Variants in BACC1 observed in about 807,000 individuals in gnomAD.
BACC1 encodes the protein BPTF-associated chromatin complex component 1.
chr17:7,017,286 A>G, the BACC1 span: 14 of 1,613,282 alleles, frequency 8.7e-6, no homozygotes, highest in Non-Finnish European at 1.2e-5. Flanking sequence ...TGGCCTTCTC[A>G]TGACCTCTGC....
the BACC1 span, chr17:7,015,842 A>G: frequency 7.4e-6 from 12 of 1,614,138 alleles, no homozygotes; most frequent in South Asian, 1.1e-4. Flanking sequence ...GACGATCTTA[A>G]TCACATCAGC....
chr17:7,015,760 T>G, the BACC1 span: 1 of 1,608,602 alleles, frequency 6.2e-7, no homozygotes, highest in Non-Finnish European at 8.5e-7. Context: ...ATCCCCCCTC[T>G]CCCCTTCTGA....
chr17:7,017,490 T>A, the BACC1 span: 1 of 724,342 alleles, frequency 1.4e-6, no homozygotes, highest in Non-Finnish European at 2.5e-6. Context: ...TGGACATTTT[T>A]ATACAGAAAA....
chr17:7,014,924 G>A, the BACC1 span: 2 of 1,501,120 alleles, frequency 1.3e-6, no homozygotes, highest in Non-Finnish European at 8.9e-7. The surrounding 1 kb of genome is among the most constrained non-coding windows in gnomAD (Gnocchi z 4.5). Context: ...CCACGGGAGG[G>A]CGGGCCCCCC....
the BACC1 span, chr17:7,014,904 TC>T: frequency 1.3e-6 from 2 of 1,509,790 alleles, no homozygotes; most frequent in Non-Finnish European, 8.8e-7. The surrounding 1 kb of genome is among the most constrained non-coding windows in gnomAD (Gnocchi z 4.5). Context: ...CGGACAGCGC[TC>T]CCTGGCGGCC....
the BACC1 span, chr17:7,015,667 C>G: frequency 7.4e-7 from 1 of 1,357,792 alleles, no homozygotes; most frequent in Non-Finnish European, 1.0e-6. Flanking sequence ...GGAAGGGGTC[C>G]CAGAAATCGG....
At chr17:7,016,152 G>A in the BACC1 span, 11 of 522,020 alleles carry the variant, frequency 2.1e-5, no homozygotes, top group Non-Finnish European at 2.4e-5. Context: ...TTATATAAAT[G>A]TTTGAGGACC....
the BACC1 span, chr17:7,014,995 G>A: frequency 4.2e-6 from 6 of 1,430,552 alleles, no homozygotes; most frequent in African/African-American, 1.5e-5. This position sits in a 1 kb window ranked among gnomAD's most constrained non-coding sequence, Gnocchi z 4.5. Context: ...CCTGGGGTGG[G>A]GCTAGGGGCT....
chr17:7,016,712 G>C, the BACC1 span: 1 of 1,595,312 alleles, frequency 6.3e-7, no homozygotes, highest in Non-Finnish European at 8.5e-7. Flanking sequence ...TGCTGCCTAG[G>C]GGTTAAAGGT....
the BACC1 span, chr17:7,017,480 T>C: frequency 1.4e-6 from 1 of 731,912 alleles, no homozygotes; most frequent in Non-Finnish European, 2.5e-6. Flanking sequence ...CTTCATCTGA[T>C]GGACATTTTT....
At chr17:7,015,046 G>A in the BACC1 span, 2 of 1,501,428 alleles carry the variant, frequency 1.3e-6, no homozygotes, top group Non-Finnish European at 1.8e-6. Flanking sequence ...CCCCCGTGAC[G>A]CTGCCCCGCC....
the BACC1 span, chr17:7,015,666 C>T: frequency 7.4e-7 from 1 of 1,353,022 alleles, no homozygotes; most frequent in Non-Finnish European, 1.0e-6. Context: ...TGGAAGGGGT[C>T]CCAGAAATCG....
chr17:7,017,213 C>T, the BACC1 span: 1 of 1,614,056 alleles, frequency 6.2e-7, no homozygotes, highest in Non-Finnish European at 8.5e-7. Flanking sequence ...TGGAAGCACA[C>T]TGGGGGCTCG....
chr17:7,017,122 A>G, the BACC1 span: 2 of 1,531,606 alleles, frequency 1.3e-6, no homozygotes, highest in Non-Finnish European at 1.8e-6. Flanking sequence ...TAGGGGTTTC[A>G]GAAGAGAAGG....
the BACC1 span, chr17:7,016,312 C>A: frequency 1.6e-6 from 1 of 631,014 alleles, no homozygotes; most frequent in Non-Finnish European, 2.7e-6. Flanking sequence ...AGGGACTCCA[C>A]TCTCCACACT....
chr17:7,016,662 C>T, the BACC1 span: 26 of 1,611,974 alleles, frequency 1.6e-5, no homozygotes, highest in Non-Finnish European at 2.1e-5. Context: ...GCCGGGGGTC[C>T]CCCCATAAAG....
the BACC1 span, chr17:7,016,701 T>G: frequency 3.1e-6 from 5 of 1,601,574 alleles, no homozygotes; most frequent in Non-Finnish European, 4.3e-6. Context: ...GGCTGTGGAG[T>G]TGCTGCCTAG....
chr17:7,015,844 C>G, the BACC1 span: 1 of 1,614,110 alleles, frequency 6.2e-7, no homozygotes, highest in Non-Finnish European at 8.5e-7. Context: ...CGATCTTAAT[C>G]ACATCAGCTG....
chr17:7,015,117 C>G, the BACC1 span: 1 of 1,583,116 alleles, frequency 6.3e-7, no homozygotes, highest in Non-Finnish European at 8.5e-7. Context: ...GGGGAGCTGA[C>G]GATGCAGCTG....
Sources: gnomAD v4.1 joint callset for allele counts on GRCh38, gnomAD v4.1.1 for gene constraint, Gnocchi (gnomAD v3.1) non-coding constraint, MANE v1.5 for transcripts, NCBI Gene and HGNC (gene_info 2026-07-23, HGNC 2026-07-21) for gene names.